CAPN1: variants seen among roughly 807,000 people sequenced by gnomAD.
CAPN1 encodes calpain 1.
Under a neutral mutation model 105.2 loss-of-function variants are expected in CAPN1, and 77 were observed. The observed-to-expected ratio is 0.73, with a 90% confidence interval of 0.61 to 0.88. The LOEUF is 0.88. CAPN1 is among the 40% of genes least tolerant of loss of function. The probability of loss-of-function intolerance (pLI) is 0.00; values close to 1 mark genes in which losing one functional copy is unlikely to be tolerated. For synonymous variants in CAPN1, 355 were observed against 388.8 expected, an observed-to-expected ratio of 0.91 and a Z score of 1.02; for missense variants, 833 against 976.6, an observed-to-expected ratio of 0.85 and a Z score of 1.96.
At chr11:65,202,442 G>GTTTA (rs1008193664) in intron 10 of CAPN1, among the ~76,000 whole-genome samples, 1 of 150,910 alleles carries the variant, frequency 6.6e-6, no homozygotes, top group African/African-American at 2.4e-5. Flanking sequence ...TTATTTATTT[G>GTTTA]TTTGTTTGTT....
At position 65,210,566 on chromosome 11, in the gene CAPN1, T is replaced by C. The variant is rs1382480770; in HGVS notation, c.2059+114T>C. On this transcript the variant is annotated intron_variant, in intron 20 of 21. Transcript: ENST00000279247. This position sits in a 1 kb window ranked among gnomAD's most constrained non-coding sequence, Gnocchi z 4.3. ...CAGATACAGGCCAGTGCTGTGGGTG[T>C]GTGCCAGAGAGGCCTGGGTCTGGGT... The C allele has an allele frequency of 5.3e-6, 4 of 759,174 alleles. No homozygotes were observed. Among genetic ancestry groups the C allele is most frequent in the East Asian group, 2.7e-5 (1 of 37,384 alleles). 47.0% of individuals were successfully genotyped at this position (759,174 alleles called of 1,614,324 possible).
intron 10 of CAPN1, among the ~76,000 whole-genome samples, chr11:65,194,098 A>G (rs1207102423): frequency 6.6e-6 from 1 of 151,264 alleles, no homozygotes; most frequent in East Asian, 1.9e-4. Context: ...AGTAACTGGA[A>G]TTACAGGCAT....
intron 10 of CAPN1, among the ~76,000 whole-genome samples, chr11:65,194,219 G>A (rs1948760757): frequency 1.3e-5 from 2 of 151,954 alleles, no homozygotes; most frequent in Non-Finnish European, 2.9e-5. Flanking sequence ...CCGCCCTGCT[G>A]TGGGCTCCCA....
rs1483785067 is a variant in CAPN1 at position 65,182,535 on chromosome 11, C to T, written c.-1-166C>T. 5 of 662,422 alleles carry T rather than the reference C, an allele frequency of 7.5e-6. No individual in the cohort carries two copies. In the Admixed American group the frequency reaches 1.3e-4, roughly 17 times the overall value. The allele number at this position is 662,422 out of a possible 1,614,324, so 41.0% of individuals were successfully genotyped here. ...CCCTTTCCTGGATTCACTGGGAGCA[C>T]CGGGAGGTGGCTGAGAACCCTACTT... On this transcript the variant is annotated intron_variant, in intron 1 of 21. Coordinates refer to ENST00000279247, the MANE Select transcript of CAPN1 (RefSeq NM_005186.4).
At chr11:65,192,975 T>G (rs1948738858) in intron 10 of CAPN1, among the ~76,000 whole-genome samples, 1 of 151,466 alleles carries the variant, frequency 6.6e-6, no homozygotes, top group African/African-American at 2.4e-5. Flanking sequence ...AAGTTATCCT[T>G]AATATACTCT....
intron 10 of CAPN1, among the ~76,000 whole-genome samples, chr11:65,203,819 G>A (rs995474747): frequency 6.6e-6 from 1 of 151,994 alleles, no homozygotes; most frequent in Non-Finnish European, 1.5e-5. Flanking sequence ...CATTCCCACC[G>A]GCATCCTGTG....
chr11:65,196,053 T>C (rs554913607), intron 10 of CAPN1, among the ~76,000 whole-genome samples: 3 of 152,198 alleles, frequency 2.0e-5, no homozygotes, highest in South Asian at 4.1e-4. Context: ...TTTTTATTTT[T>C]GTTAGGCTGG....
chr11:65,187,859 T>C, intron 7 of CAPN1, 96 bp from the exon 8 acceptor site: 1 of 858,866 alleles, frequency 1.2e-6, no homozygotes, highest in African/African-American at 1.7e-5. Flanking sequence ...ACCACTGCAC[T>C]CCAGCCTGGG....
At position 65,208,495 on chromosome 11, in the gene CAPN1, C is replaced by T; in HGVS notation, c.1729+233C>T. ...TGCCTTTGTGGGATTAGCAGCGCAG[C>T]CTGGCCAGGCACAGTGGCTCACACC... On this transcript the variant is annotated intron_variant, in intron 16 of 21. Transcript: ENST00000279247. This position sits in a 1 kb window ranked among gnomAD's most constrained non-coding sequence, Gnocchi z 4.1. 1 of 591,164 alleles carries T rather than the reference C, an allele frequency of 1.7e-6. No homozygotes were observed. The highest frequency in any genetic ancestry group is 3.0e-6 in the Non-Finnish European group (1 of 328,370). The allele number at this position is 591,164 out of a possible 1,614,324, so 36.6% of individuals were successfully genotyped here. A position where few individuals can be genotyped will look rare whatever the true frequency, so the allele number is the denominator to read the frequency against.
At chr11:65,185,122 T>C (rs974323544) in intron 4 of CAPN1, among the ~76,000 whole-genome samples, 12 of 151,946 alleles carry the variant, frequency 7.9e-5, no homozygotes, top group African/African-American at 2.4e-4. Flanking sequence ...AAAAGGAGGT[T>C]AGTAGGAGAA....
intron 10 of CAPN1, among the ~76,000 whole-genome samples, chr11:65,191,925 C>A (rs1361357665): frequency 6.6e-6 from 1 of 151,928 alleles, no homozygotes; most frequent in Non-Finnish European, 1.5e-5. Flanking sequence ...TTGTGGATAC[C>A]TTTTATCAGA....
At chr11:65,183,424 C>G (rs373268116) in intron 3 of CAPN1, 50 bp from the exon 4 acceptor site, 5 of 1,425,506 alleles carry the variant, frequency 3.5e-6, no homozygotes, top group East Asian at 2.3e-5. Flanking sequence ...CCGCTTCCCC[C>G]CCCGGGGCAG....
chr11:65,193,646 A>G (rs1205289791), intron 10 of CAPN1, among the ~76,000 whole-genome samples: 4 of 147,062 alleles, frequency 2.7e-5, no homozygotes, highest in Non-Finnish European at 4.5e-5. Flanking sequence ...CTCTGTCTCA[A>G]AAAAAAAAAA....
chr11:65,187,256 G>T lies in CAPN1; in HGVS notation c.801G>T (p.Lys267Asn). ...ACATGGAGGCCATCACTTTCAAGAAGTTGGTGAAGGGCCATGCCTACTCTG... is the reference window on the plus strand; with the variant it reads ...ACATGGAGGCCATCACTTTCAAGAATTTGGTGAAGGGCCATGCCTACTCTG... ...VLDMEAITFK[K>N]LVKGHAYSVT... is the part of the protein sequence containing the mutation. The change falls in exon 7 of 22, where the codon AAG (lysine) becomes AAT (asparagine). Residue 267 changes from lysine to asparagine, a missense_variant. Physicochemically the swap from Lys to Asn is moderately conservative, Grantham distance 94. Coordinates refer to ENST00000279247, the MANE Select transcript of CAPN1 (RefSeq NM_005186.4). The T allele has an allele frequency of 2.5e-6, 4 of 1,613,528 alleles. No homozygotes were observed. Among genetic ancestry groups the T allele is most frequent in the Non-Finnish European group, 2.5e-6 (3 of 1,179,698 alleles).
At chr11:65,183,660 C>T in intron 4 of CAPN1, 68 bp downstream of exon 4, 1 of 1,104,822 alleles carries the variant, frequency 9.1e-7, no homozygotes, top group Non-Finnish European at 1.4e-6. Flanking sequence ...ACCCACAATA[C>T]CTGCAGTTAG....
intron 7 of CAPN1, 197 bp from the exon 8 acceptor site, chr11:65,187,758 G>T: frequency 1.9e-6 from 1 of 516,452 alleles, no homozygotes; most frequent in Non-Finnish European, 3.5e-6. Context: ...GTGGTGGCAG[G>T]TGCCTGTAAT....
intron 4 of CAPN1, among the ~76,000 whole-genome samples, chr11:65,185,021 A>G (rs1347586041): frequency 6.6e-6 from 1 of 152,128 alleles, no homozygotes; most frequent in African/African-American, 2.4e-5. Flanking sequence ...GTATTAGTAT[A>G]CAGCAAATAT....
chr11:65,207,595 C>G (rs1164008584), intron 14 of CAPN1, among the ~76,000 whole-genome samples: 1 of 151,376 alleles, frequency 6.6e-6, no homozygotes, highest in African/African-American at 2.4e-5. Flanking sequence ...AGGGCAGGAA[C>G]GAGATTCCCT....
Position 65,188,055 on chromosome 11 carries a change from G to T in CAPN1, c.929+15G>T. The T allele has an allele frequency of 6.5e-7, 1 of 1,532,416 alleles. No individual in the cohort carries two copies. Among genetic ancestry groups the T allele is most frequent in the Non-Finnish European group, 8.8e-7 (1 of 1,131,624 alleles). The allele number at this position is 1,532,416 out of a possible 1,614,324, so 94.9% of individuals were successfully genotyped here. A position where few individuals can be genotyped will look rare whatever the true frequency, so the allele number is the denominator to read the frequency against. On this transcript the variant is annotated intron_variant, in intron 8 of 21. Coordinates refer to ENST00000279247, the MANE Select transcript of CAPN1 (RefSeq NM_005186.4). This position sits in a 1 kb window ranked among gnomAD's most constrained non-coding sequence, Gnocchi z 5.5. ...TGGAGCGACAGGTGAGGGGCAGTGG[G>T]CACTGTCTGGAGTGCCTTGGGGAAA...
Sources: gnomAD v4.1 joint callset for allele counts (sites outside exome capture counted in the v4.1 genomes callset) on GRCh38, gnomAD v4.1.1 for gene constraint, Gnocchi (gnomAD v3.1) non-coding constraint, MANE v1.5 for transcripts, NCBI Gene and HGNC (gene_info 2026-07-23, HGNC 2026-07-21) for gene names.